Variants in DRAM1 observed in about 807,000 individuals in gnomAD.
DRAM1 encodes DNA damage regulated autophagy modulator 1.
DRAM1 carries 25 observed loss-of-function variants against 28.5 expected under a neutral mutation model. The observed-to-expected ratio is 0.88, with a 90% CI of 0.64 to 1.23. DRAM1 has a LOEUF of 1.23. DRAM1 is among the 50% of genes most tolerant of loss of function. The pLI is 0.00. For missense variants in DRAM1, 249 were observed against 299.2 expected, an observed-to-expected ratio of 0.83 and a Z score of 1.24; for synonymous variants, 113 against 114.2, an observed-to-expected ratio of 0.99 and a Z score of 0.07.
intron 1 of DRAM1, among the ~76,000 whole-genome samples, chr12:101,884,267 C>T (rs1203239526): frequency 9.1e-6 from 1 of 109,830 alleles, no homozygotes; most frequent in Non-Finnish European, 1.7e-5. Context: ...GATGCACCTA[C>T]AGTCCCACTT....
chr12:101,878,093 G>A (rs1350710197), intron 1 of DRAM1, among the ~76,000 whole-genome samples, 173 bp downstream of exon 1: 1 of 152,106 alleles, frequency 6.6e-6, no homozygotes, highest in African/African-American at 2.4e-5. Flanking sequence ...GGGAGGCAGC[G>A]GGTGCGGCGC....
At chr12:101,898,173 A>G (rs1274092540) in intron 2 of DRAM1, among the ~76,000 whole-genome samples, 1 of 152,036 alleles carries the variant, frequency 6.6e-6, no homozygotes, top group Admixed American at 6.6e-5. Context: ...GGTGCACACC[A>G]CCACGCCCAG....
chr12:101,887,145 C>CAAA (rs10654713), intron 1 of DRAM1, among the ~76,000 whole-genome samples: 28,212 of 128,766 alleles, frequency 0.22, 3,432 homozygotes, highest in East Asian at 0.27. Flanking sequence ...AACTCCGTTT[C>CAAA]AAAAAAAAAA....
In DRAM1 at chr12:101,915,269, G is replaced by T. The variant is rs536557827; in HGVS notation, c.579+1037G>T. On this transcript the variant is annotated intron_variant, in intron 5 of 6. Transcript: ENST00000258534. ...GCTGGGATTACAGGTGTGAGCCACC[G>T]CACCTGGCCTTTAATTTCTTTCTTA... is the stretch of plus-strand genomic sequence containing the variant. Among the ~76,000 whole-genome samples, 637 of 152,102 alleles carry T rather than the reference G, an allele frequency of 4.2e-3. 9 individuals are homozygous for T. The highest frequency in any genetic ancestry group is 1.1e-3 in the Non-Finnish European group (74 of 67,986).
Position 101,878,435 on chromosome 12 carries a change from A to G in DRAM1, c.131+515A>G, listed in dbSNP as rs1175582897. Among the ~76,000 whole-genome samples the G allele has an allele frequency of 2.0e-5, 3 of 152,228 alleles. No homozygotes were observed. In the East Asian group the frequency reaches 5.8e-4, roughly 29 times the overall value. On this transcript the variant is annotated intron_variant, in intron 1 of 6. Coordinates refer to ENST00000258534, the MANE Select transcript of DRAM1 (RefSeq NM_018370.3). ...TGTCACACTAGTTAATGGTAGGAGC[A>G]GAATTCACACCCGGCCATGCAGAAA...
At chr12:101,884,380 A>C (rs1872805868) in intron 1 of DRAM1, among the ~76,000 whole-genome samples, 1 of 151,528 alleles carries the variant, frequency 6.6e-6, no homozygotes, top group Non-Finnish European at 1.5e-5. Context: ...AAAAAAAAAA[A>C]AAAAAAAAAA....
intron 1 of DRAM1, among the ~76,000 whole-genome samples, chr12:101,881,379 G>A (rs1872681283): frequency 6.6e-6 from 1 of 151,870 alleles, no homozygotes; most frequent in African/African-American, 2.4e-5. Context: ...GTTTTTTTTG[G>A]AGGTGGGGTC....
rs1874534023 is a variant in DRAM1 at position 101,922,842 on chromosome 12, A to G, written c.*1582A>G. 1 of 152,214 alleles carries G rather than the reference A, an allele frequency of 6.6e-6. No individual in the cohort carries two copies. Among genetic ancestry groups the G allele is most frequent in the African/African-American group, 2.4e-5 (1 of 41,436 alleles). The allele number at this position is 152,214 out of a possible 1,614,324, so 9.4% of individuals were successfully genotyped here. The stretch of plus-strand genomic sequence containing the variant: ...GCTGGCTGTGGTGGCTCACACCTGT[A>G]TTCCCAGCACTTTGGGAGGCCTAGG... On this transcript the variant is annotated 3_prime_UTR_variant, in exon 7 of 7. Coordinates refer to ENST00000258534, the MANE Select transcript of DRAM1 (RefSeq NM_018370.3).
intron 1 of DRAM1, among the ~76,000 whole-genome samples, chr12:101,891,802 G>A (rs902931349): frequency 2.6e-5 from 4 of 152,234 alleles, no homozygotes; most frequent in Admixed American, 2.6e-4. Flanking sequence ...CCACTGCACT[G>A]CAGAAACTGT....
chr12:101,887,669 T>A (rs1872938832), intron 1 of DRAM1, among the ~76,000 whole-genome samples: 2 of 152,082 alleles, frequency 1.3e-5, no homozygotes, highest in Admixed American at 1.3e-4. Flanking sequence ...TAGCTGGGAC[T>A]ACAGGCACGT....
rs1229506190 is a variant in DRAM1 at position 101,877,967 on chromosome 12, C to T, written c.131+47C>T. 2.1e-6 allele frequency: 3 copies of T among 1,407,322 alleles called. No homozygotes were observed. Among genetic ancestry groups the T allele is most frequent in the Non-Finnish European group, 2.8e-6 (3 of 1,065,208 alleles). The allele number at this position is 1,407,322 out of a possible 1,614,324, so 87.2% of individuals were successfully genotyped here. A position where few individuals can be genotyped will look rare whatever the true frequency, so the allele number is the denominator to read the frequency against. ...AGGGCCCCAGGAGCAGGCACAGGGACCACAGGGAGCGCTGCCGACGGGGAG... is the reference window on the plus strand; with the variant it reads ...AGGGCCCCAGGAGCAGGCACAGGGATCACAGGGAGCGCTGCCGACGGGGAG... On this transcript the variant is annotated intron_variant, in intron 1 of 6. Coordinates refer to ENST00000258534, the MANE Select transcript of DRAM1 (RefSeq NM_018370.3). The surrounding 1 kb of genome is among the most constrained non-coding windows in gnomAD (Gnocchi z 4.1).
chr12:101,915,060 A>C (rs944880129), intron 5 of DRAM1, among the ~76,000 whole-genome samples: 1 of 151,014 alleles, frequency 6.6e-6, no homozygotes, highest in African/African-American at 2.4e-5. Flanking sequence ...ACTCAGTGCA[A>C]GCTCTGCCTC....
chr12:101,907,216 A>AAAAG (rs1555283679), intron 3 of DRAM1, among the ~76,000 whole-genome samples: 2 of 140,616 alleles, frequency 1.4e-5, no homozygotes, highest in Non-Finnish European at 3.0e-5. Context: ...AAAAAAAAAA[A>AAAAG]AAGAAGAAAA....
chr12:101,921,325 C>G lies in DRAM1; in HGVS notation c.*65C>G. 3 of 1,409,836 alleles carry G rather than the reference C, an allele frequency of 2.1e-6. No homozygotes were observed. The highest frequency in any genetic ancestry group is 3.0e-6 in the Non-Finnish European group (3 of 995,280). The allele number at this position is 1,409,836 out of a possible 1,614,324, so 87.3% of individuals were successfully genotyped here. A position where few individuals can be genotyped will look rare whatever the true frequency, so the allele number is the denominator to read the frequency against. On this transcript the variant is annotated 3_prime_UTR_variant, in exon 7 of 7. Coordinates refer to ENST00000258534, the MANE Select transcript of DRAM1 (RefSeq NM_018370.3). ...CCATTTCTAAAAGTGCTACAGAGGACAGACAGGGTTTTGAGGCCACCCTGA... is the reference window on the plus strand; with the variant it reads ...CCATTTCTAAAAGTGCTACAGAGGAGAGACAGGGTTTTGAGGCCACCCTGA...
At chr12:101,889,889 G>A (rs777883101) in intron 1 of DRAM1, among the ~76,000 whole-genome samples, 11 of 141,504 alleles carry the variant, frequency 7.8e-5, no homozygotes, top group African/African-American at 2.6e-4. Context: ...GCAGTGAGCC[G>A]AGATCGTGCC....
rs55642593 is a variant in DRAM1, at chr12:101,899,681, C to CAA, written c.200-1592_200-1591dup. Among the ~76,000 whole-genome samples the CAA allele has an allele frequency of 0.02, 2,087 of 102,642 alleles. 148 individuals are homozygous for CAA. In the East Asian group the frequency reaches 0.23, roughly 11 times the overall value. The allele number at this position is 102,642 out of a possible 152,430, so 67.3% of individuals were successfully genotyped here. On this transcript the variant is annotated intron_variant, in intron 2 of 6. Transcript: ENST00000258534. ...GTGACAGAGCAAGTCCCTGTCTCCA[C>CAA]AAAAAAAAAAAAAAAAAAAGATTTA...
At chr12:101,904,426 GGTTTTTTTTTTTTTTTTTTTTTTTT>G (rs1456903018) in intron 3 of DRAM1, among the ~76,000 whole-genome samples, 1 of 39,148 alleles carries the variant, frequency 2.6e-5, no homozygotes, top group Non-Finnish European at 4.8e-5. Flanking sequence ...GAGCTTTAGG[GGTTTTTTTTTTTTTTTTTTTTTTTT>G]TTTTTTTTGA....
intron 4 of DRAM1, among the ~76,000 whole-genome samples, chr12:101,909,986 T>TA (rs1416291572): frequency 1.3e-5 from 2 of 152,206 alleles, no homozygotes; most frequent in East Asian, 3.8e-4. Flanking sequence ...TGAGTTACGG[T>TA]ATAAAGTGGG....
chr12:101,911,536 T>G (rs1172745414), intron 4 of DRAM1, among the ~76,000 whole-genome samples: 1 of 152,178 alleles, frequency 6.6e-6, no homozygotes, highest in Non-Finnish European at 1.5e-5. Flanking sequence ...GGCTTGGTTG[T>G]TTGTTGTCCT....
Sources: gnomAD v4.1 joint callset for allele counts (sites outside exome capture counted in the v4.1 genomes callset) on GRCh38, gnomAD v4.1.1 for gene constraint, Gnocchi (gnomAD v3.1) non-coding constraint, MANE v1.5 for transcripts, NCBI Gene and HGNC (gene_info 2026-07-23, HGNC 2026-07-21) for gene names.